TEX9: variants seen among roughly 807,000 people sequenced by gnomAD.
The protein encoded by TEX9 is testis-expressed protein 9.
A neutral mutation model predicts 59.6 loss-of-function variants in TEX9; 74 were observed. The ratio of observed to expected loss-of-function variants is 1.24; its 90% CI spans 1.03 to 1.51. The LOEUF (loss-of-function observed/expected upper bound fraction) is 1.51, where lower values mean the gene tolerates loss of function less well. Among genes scored for constraint, TEX9 ranks in the 40% most tolerant of loss-of-function variants. The probability of loss-of-function intolerance (pLI) is 0.00; values close to 1 mark genes in which losing one functional copy is unlikely to be tolerated. For synonymous variants in TEX9, 186 were observed against 152.2 expected (o/e 1.22, Z -1.64); for missense variants, 522 against 447.8 (o/e 1.17, Z -1.49).
At chr15:56,449,087 C>T (rs1425296468), downstream of TEX9, among the ~76,000 whole-genome samples, 1 of 152,150 alleles carries the variant, frequency 6.6e-6, no homozygotes, top group African/African-American at 2.4e-5. Flanking sequence ...TCTACACATA[C>T]AATCATATCA....
At chr15:56,315,617 C>T (rs1198751243) in intron 1 of TEX9, among the ~76,000 whole-genome samples, 1 of 148,196 alleles carries the variant, frequency 6.7e-6, no homozygotes, top group Non-Finnish European at 1.5e-5. Flanking sequence ...GTGAATCTGA[C>T]AATTATGTGT....
Position 56,394,746 on chromosome 15 carries a change from AG to A in TEX9, c.741del (p.Gln247HisfsTer4). On this transcript the variant is annotated frameshift_variant, in exon 9 of 13. Coordinates refer to ENST00000352903, the Ensembl canonical transcript of TEX9. LOFTEE classifies it high-confidence loss of function. ...CAGCAGCGAACAATTAATATGCAAC[AG>A]TCTCAAGTAGAAAAATACAAAACTC... 6.2e-7 allele frequency: 1 copy of A among 1,612,428 alleles called. No homozygotes were observed. The highest frequency in any genetic ancestry group is 8.5e-7 in the Non-Finnish European group (1 of 1,179,228).
At chr15:56,245,556 T>A (rs1308782392) in intron 1 of TEX9, among the ~76,000 whole-genome samples, 3 of 152,210 alleles carry the variant, frequency 2.0e-5, no homozygotes, top group African/African-American at 7.2e-5. Context: ...GTGGACCTAA[T>A]TGATAGACAT....
At chr15:56,261,368 A>T (rs1000111862) in intron 1 of TEX9, among the ~76,000 whole-genome samples, 8 of 151,838 alleles carry the variant, frequency 5.3e-5, no homozygotes, top group Middle Eastern at 3.4e-3. Context: ...ATTGTGAATT[A>T]AAAAAATCCA....
At chr15:56,414,851 T>A (rs1166235801) in intron 10 of TEX9, among the ~76,000 whole-genome samples, 1 of 151,884 alleles carries the variant, frequency 6.6e-6, no homozygotes, top group African/African-American at 2.4e-5. Context: ...TAATTTACAC[T>A]CCCACCAAGT....
rs2050436475 is a variant in TEX9, at chr15:56,428,475, T to G, written c.*29+2T>G. On this transcript the variant is annotated splice_donor_variant, in intron 12 of 12. Transcript: ENST00000352903. LOFTEE classifies it low-confidence loss of function (3UTR_SPLICE). ...CTACTTCAGTTAGTCTCTATGACAGTATGTGATGGATACCCATTTTACTTA... is the reference window on the plus strand; with the variant it reads ...CTACTTCAGTTAGTCTCTATGACAGGATGTGATGGATACCCATTTTACTTA... The G allele has an allele frequency of 7.1e-7, 1 of 1,411,602 alleles. No homozygotes were observed. The highest frequency in any genetic ancestry group is 1.4e-5 in the African/African-American group (1 of 70,968). 87.4% of individuals were successfully genotyped at this position (1,411,602 alleles called of 1,614,324 possible). A position where few individuals can be genotyped will look rare whatever the true frequency, so the allele number is the denominator to read the frequency against.
chr15:56,382,525 C>T (rs2047777162), intron 3 of TEX9, among the ~76,000 whole-genome samples: 1 of 152,154 alleles, frequency 6.6e-6, no homozygotes, highest in African/African-American at 2.4e-5. Flanking sequence ...CTATTAATAC[C>T]TTGGTATTGC....
intron 1 of TEX9, among the ~76,000 whole-genome samples, chr15:56,251,536 A>C (rs1567062320): frequency 6.6e-6 from 1 of 152,314 alleles, no homozygotes; most frequent in East Asian, 1.9e-4. Flanking sequence ...GGAGAGTATG[A>C]ATATGATAAG....
intron 1 of TEX9, among the ~76,000 whole-genome samples, chr15:56,359,941 C>T (rs1361597206): frequency 6.6e-6 from 1 of 152,132 alleles, no homozygotes. Context: ...TTTGTACCTT[C>T]AGGGGTGTTG....
chr15:56,430,062 T>C (rs2050533074), intron 12 of TEX9: 1 of 152,216 alleles, frequency 6.6e-6, no homozygotes, highest in Non-Finnish European at 1.5e-5. Flanking sequence ...CTATATATCT[T>C]TTTCCTTCCT....
chr15:56,300,159 T>G (rs2045309639), intron 1 of TEX9, among the ~76,000 whole-genome samples: 1 of 151,946 alleles, frequency 6.6e-6, no homozygotes, highest in African/African-American at 2.4e-5. Flanking sequence ...GGTAGAGATC[T>G]AGGACTGGCA....
intron 1 of TEX9, among the ~76,000 whole-genome samples, chr15:56,278,325 C>G (rs1219069440): frequency 1.3e-5 from 2 of 152,174 alleles, no homozygotes; most frequent in East Asian, 3.9e-4. Context: ...ATTCCACCAG[C>G]AAGTGTTTCA....
chr15:56,247,775 G>A (rs2043896418), intron 1 of TEX9, among the ~76,000 whole-genome samples: 1 of 152,130 alleles, frequency 6.6e-6, no homozygotes, highest in South Asian at 2.1e-4. Flanking sequence ...AAGTATGGTG[G>A]TTTACCAGAT....
chr15:56,308,181 A>G (rs2045526089), intron 1 of TEX9, among the ~76,000 whole-genome samples: 2 of 152,140 alleles, frequency 1.3e-5, no homozygotes, highest in Non-Finnish European at 2.9e-5. Flanking sequence ...ACTATTTTAC[A>G]TTTTACCAGC....
chr15:56,380,548 CCTTTT>C (rs1396103806), intron 3 of TEX9, among the ~76,000 whole-genome samples: 1 of 151,672 alleles, frequency 6.6e-6, no homozygotes, highest in East Asian at 1.9e-4. Flanking sequence ...TCATTAACAT[CCTTTT>C]CTTTTAGATT....
At chr15:56,460,009 A>AAAAAAAATATATATATATATATATATAT in the TEX9 span, among the ~76,000 whole-genome samples, 8 of 26,384 alleles carry the variant, frequency 3.0e-4, 1 homozygote, top group Non-Finnish European at 3.5e-4. Flanking sequence ...AAAAAAAAAA[A>AAAAAAAATATATATATATATATATATAT]ATACATATAT....
At chr15:56,351,419 A>G (rs2046576791) in intron 1 of TEX9, among the ~76,000 whole-genome samples, 1 of 151,920 alleles carries the variant, frequency 6.6e-6, no homozygotes, top group African/African-American at 2.4e-5. Context: ...GCAAGTAAAA[A>G]CCTCTCAGTT....
chr15:56,322,708 G>A (rs1275489579), intron 1 of TEX9, among the ~76,000 whole-genome samples: 4 of 152,160 alleles, frequency 2.6e-5, no homozygotes, highest in Non-Finnish European at 5.9e-5. Context: ...GAATGGAGAA[G>A]GCAGATGGTT....
intron 1 of TEX9, among the ~76,000 whole-genome samples, chr15:56,300,026 A>G (rs1206117380): frequency 6.6e-6 from 1 of 152,022 alleles, no homozygotes; most frequent in Non-Finnish European, 1.5e-5. Context: ...CAGCTTAAAT[A>G]TTGACTTGGC....
Sources: gnomAD v4.1 joint callset for allele counts (sites outside exome capture counted in the v4.1 genomes callset) on GRCh38, gnomAD v4.1.1 for gene constraint, MANE v1.5 for transcripts, NCBI Gene and HGNC (gene_info 2026-07-23, HGNC 2026-07-21) for gene names.